The following VPS13B variants were observed in gnomAD, a reference collection of about 807,000 sequenced individuals.
The protein encoded by VPS13B is vacuolar protein sorting 13 homolog B.
VPS13B carries 285 observed loss-of-function variants against 426.4 expected under a neutral mutation model. The ratio of observed to expected loss-of-function variants is 0.67; its 90% CI spans 0.61 to 0.74. The LOEUF is 0.74. Among genes scored for constraint, VPS13B ranks in the 30% least tolerant of loss-of-function variants. The probability of loss-of-function intolerance (pLI) is 0.00; values close to 1 mark genes in which losing one functional copy is unlikely to be tolerated. For synonymous variants in VPS13B, 1,676 were observed against 1,676.4 expected, an observed-to-expected ratio of 1.00 and a Z score of 0.01; for missense variants, 4,537 against 4,782.6, an observed-to-expected ratio of 0.95 and a Z score of 1.51.
chr8:99,273,830 A>T (rs548949306), intron 17 of VPS13B, among the ~76,000 whole-genome samples: 217 of 152,266 alleles, frequency 1.4e-3, no homozygotes, highest in Non-Finnish European at 1.0e-3. Context: ...GTCTTCGCCT[A>T]AATTAAACTT....
At chr8:99,791,584 A>G (rs548812997) in intron 43 of VPS13B, among the ~76,000 whole-genome samples, 33 of 152,220 alleles carry the variant, frequency 2.2e-4, no homozygotes, top group Non-Finnish European at 3.7e-4. Flanking sequence ...AGAGACTACT[A>G]TGGTCACTGC....
At chr8:99,822,705 C>T (rs1437255245) in intron 50 of VPS13B, among the ~76,000 whole-genome samples, 1 of 152,006 alleles carries the variant, frequency 6.6e-6, no homozygotes, top group Non-Finnish European at 1.5e-5. Context: ...GTCTCAGGAC[C>T]CCTTTATACT....
intron 21 of VPS13B, among the ~76,000 whole-genome samples, chr8:99,413,259 A>T (rs781192871): frequency 6.6e-6 from 1 of 151,944 alleles, no homozygotes; most frequent in Non-Finnish European, 1.5e-5. Flanking sequence ...CTATTCAGGG[A>T]TTCAACTTCT....
At chr8:99,236,335 C>T (rs566479077) in intron 17 of VPS13B, among the ~76,000 whole-genome samples, 14 of 152,048 alleles carry the variant, frequency 9.2e-5, no homozygotes, top group African/African-American at 2.2e-4. Flanking sequence ...CTGCAACCTC[C>T]GCTTCCCAGG....
At chr8:99,532,788 C>G (rs998657392) in intron 30 of VPS13B, among the ~76,000 whole-genome samples, 1 of 149,684 alleles carries the variant, frequency 6.7e-6, no homozygotes, top group African/African-American at 2.4e-5. Flanking sequence ...TTTATGCTAA[C>G]GGCTCAATTT....
intron 39 of VPS13B, among the ~76,000 whole-genome samples, chr8:99,744,632 A>G (rs1809969933): frequency 1.3e-5 from 2 of 152,198 alleles, no homozygotes; most frequent in African/African-American, 4.8e-5. Flanking sequence ...ATGGAATACT[A>G]TGCAGCCATA....
chr8:99,509,753 AG>A (rs1351127845), intron 28 of VPS13B, among the ~76,000 whole-genome samples: 2 of 152,132 alleles, frequency 1.3e-5, no homozygotes, highest in African/African-American at 2.4e-5. Flanking sequence ...TGTTGGAAAG[AG>A]GGGCAGGGAA....
chr8:99,849,036 A>G (rs1816125130), intron 55 of VPS13B, 142 bp downstream of exon 55: 2 of 812,866 alleles, frequency 2.5e-6, no homozygotes, highest in Non-Finnish European at 4.1e-6. Flanking sequence ...AAATATGGTT[A>G]TTAGCACTAA....
intron 17 of VPS13B, among the ~76,000 whole-genome samples, chr8:99,222,617 T>C (rs1815786726): frequency 6.6e-6 from 1 of 152,206 alleles, no homozygotes; most frequent in Admixed American, 6.5e-5. Context: ...AACCAGTGGA[T>C]TTTAAAAACT....
At chr8:99,144,119 G>T (rs1166507823) in intron 13 of VPS13B, among the ~76,000 whole-genome samples, 1 of 152,114 alleles carries the variant, frequency 6.6e-6, no homozygotes, top group South Asian at 2.1e-4. Context: ...AGAGTAGCAA[G>T]ATAAAAAGCA....
chr8:99,737,870 T>C (rs1833909457), intron 39 of VPS13B, among the ~76,000 whole-genome samples: 1 of 152,264 alleles, frequency 6.6e-6, no homozygotes, highest in African/African-American at 2.4e-5. Flanking sequence ...TTGTTAACAG[T>C]TCTCTTGTAT....
intron 33 of VPS13B, among the ~76,000 whole-genome samples, chr8:99,632,431 T>G (rs1351846167): frequency 1.3e-5 from 2 of 151,992 alleles, no homozygotes; most frequent in African/African-American, 2.4e-5. Flanking sequence ...AGTTGCTTTC[T>G]TAGAACAGCA....
At chr8:99,086,435 G>A (rs903207886) in intron 3 of VPS13B, among the ~76,000 whole-genome samples, 4 of 151,370 alleles carry the variant, frequency 2.6e-5, no homozygotes, top group South Asian at 4.2e-4. Context: ...TAGTTTGATC[G>A]TCTGAAGCCT....
chr8:99,486,348 C>A (rs528568563), intron 25 of VPS13B, among the ~76,000 whole-genome samples: 4 of 152,146 alleles, frequency 2.6e-5, no homozygotes, highest in African/African-American at 9.6e-5. Flanking sequence ...GCCTCAGCCT[C>A]CTGAGTAGCT....
chr8:99,722,077 C>T (rs1292310429), intron 39 of VPS13B, among the ~76,000 whole-genome samples: 1 of 152,208 alleles, frequency 6.6e-6, no homozygotes, highest in Non-Finnish European at 1.5e-5. Context: ...CTGGACTCTG[C>T]TCACCTCTCC....
intron 39 of VPS13B, among the ~76,000 whole-genome samples, chr8:99,741,250 G>T (rs959103030): frequency 6.6e-6 from 1 of 152,144 alleles, no homozygotes; most frequent in African/African-American, 2.4e-5. Flanking sequence ...ATGGTAAAGG[G>T]ATCAATTCAA....
chr8:99,419,291 T>C (rs2133377082), intron 21 of VPS13B, among the ~76,000 whole-genome samples: 1 of 152,312 alleles, frequency 6.6e-6, no homozygotes. Flanking sequence ...ATTGTTTTCC[T>C]GAGGCCTCCT....
rs930429464 is a variant in VPS13B at position 99,699,543 on chromosome 8, T to C, written c.6065T>C (p.Ile2022Thr). 1.9e-6 allele frequency: 3 copies of C among 1,613,838 alleles called. No individual in the cohort carries two copies. Among genetic ancestry groups the C allele is most frequent in the Non-Finnish European group, 2.5e-6 (3 of 1,180,012 alleles). The change falls in exon 36 of 62, where the codon ATA (isoleucine) becomes ACA (threonine). Residue 2022 changes from isoleucine (I) to threonine (T), a missense_variant. Physicochemically the swap from Ile to Thr is moderately conservative, Grantham distance 89. Around this residue, in one of 2 missense-constraint regions of VPS13B, gnomAD observed 4,311 missense variants for 4,474.3 expected, o/e 0.96. Transcript: ENST00000357162. ...TCTATAGCGGATGTCAATTTGGATA[T>C]ATCAAAGCCTTTGAAAGCAAACCTG... is the stretch of plus-strand genomic sequence containing the variant. Reference protein sequence around the residue: ...LNGPADVNLDISKPLKANLSF... With the variant: ...LNGPADVNLDTSKPLKANLSF...
intron 3 of VPS13B, among the ~76,000 whole-genome samples, chr8:99,041,624 C>A (rs185473208): frequency 2.0e-5 from 3 of 152,070 alleles, no homozygotes; most frequent in African/African-American, 7.2e-5. Flanking sequence ...GAGGCCGAGG[C>A]GGGTGGATCA....
Sources: allele counts gnomAD v4.1 joint callset (sites outside exome capture counted in the v4.1 genomes callset), GRCh38; gene constraint gnomAD v4.1.1; regional missense constraint gnomAD v4.1.1; transcripts MANE v1.5; gene names NCBI Gene and HGNC (gene_info 2026-07-23, HGNC 2026-07-21).